The following PGAP6 variants were observed in gnomAD, a reference collection of about 807,000 sequenced individuals.
PGAP6 encodes the protein post-GPI attachment to proteins factor 6.
PGAP6 carries 62 observed loss-of-function variants against 68.4 expected under a neutral mutation model. The ratio of observed to expected loss-of-function variants is 0.91; its 90% CI spans 0.74 to 1.12. The LOEUF (loss-of-function observed/expected upper bound fraction) is 1.12. PGAP6 is among the 50% of genes most tolerant of loss of function. The probability of loss-of-function intolerance (pLI) is 0.00; values close to 1 mark genes in which losing one functional copy is unlikely to be tolerated. For missense variants in PGAP6, 1,188 were observed against 1,068.5 expected (o/e 1.11, Z -1.56); for synonymous variants, 575 against 474.0 (o/e 1.21, Z -2.77).
chr16:377,025 GC>G lies in PGAP6; in HGVS notation c.635+11del. On this transcript the variant is annotated intron_variant, in intron 4 of 12. Transcript: ENST00000431232. ...AGGGCAGAGCCGGGCTGCCCCCCAG[GC>G]CCCCGCTCACTTGAGGTAGCTGGGA... 1.2e-6 allele frequency: 2 copies of G among 1,612,384 alleles called. No homozygotes were observed. Among genetic ancestry groups the G allele is most frequent in the Non-Finnish European group, 8.5e-7 (1 of 1,179,738 alleles).
chr16:385,773 T>C (rs113597497), upstream of PGAP6, among the ~76,000 whole-genome samples: 3,279 of 150,688 alleles, frequency 0.022, 75 homozygotes, highest in African/African-American at 0.06. Flanking sequence ...TACAGGCGCC[T>C]GCCAACACAC....
chr16:382,339 G>T (rs919224935), upstream of PGAP6: 1 of 387,820 alleles, frequency 2.6e-6, no homozygotes, highest in Non-Finnish European at 4.6e-6. Context: ...GAGCCCGCGG[G>T]GGGCAGAGGC....
At chr16:372,494 C>A in intron 12 of PGAP6, 117 bp downstream of exon 12, 2 of 1,004,496 alleles carry the variant, frequency 2.0e-6, no homozygotes, top group South Asian at 1.4e-5. Flanking sequence ...CATGGCAACC[C>A]CCAGCAGATA....
In PGAP6 at chr16:377,790, G is replaced by A; in HGVS notation, c.180C>T (p.Ser60=). ...GGAAGAGCCTGGCACTGCCGTACCAGCTGTAGAAGGACAGCCTCTGCGGGG... is the reference window on the plus strand; with the variant it reads ...GGAAGAGCCTGGCACTGCCGTACCAACTGTAGAAGGACAGCCTCTGCGGGG... ...SQAPQRLSFY[S]WYGSARLFRF... is the part of the protein sequence containing the mutation. The change falls in exon 2 of 13, where the codon AGC becomes AGT. Residue 60 remains serine, a synonymous_variant. Coordinates refer to ENST00000431232, the MANE Select transcript of PGAP6 (RefSeq NM_021259.3). 6.3e-7 allele frequency: 1 copy of A among 1,578,680 alleles called. No individual in the cohort carries two copies. The highest frequency in any genetic ancestry group is 1.8e-5 in the Admixed American group (1 of 54,664).
Position 381,877 on chromosome 16 carries a change from C to T in PGAP6, c.-56G>A, listed in dbSNP as rs1472382887. The stretch of plus-strand genomic sequence containing the variant: ...CCGCGTCCCGCGCCGCCGGCCCCCG[C>T]CGCCGCCCGGGCAGCCTCTGCCGCC... On this transcript the variant is annotated 5_prime_UTR_variant, in exon 1 of 13. Coordinates refer to ENST00000431232, the MANE Select transcript of PGAP6 (RefSeq NM_021259.3). The T allele has an allele frequency of 8.2e-6, 8 of 976,174 alleles. No homozygotes were observed. Among genetic ancestry groups the T allele is most frequent in the Non-Finnish European group, 9.7e-6 (8 of 823,576 alleles). The allele number at this position is 976,174 out of a possible 1,614,324, so 60.5% of individuals were successfully genotyped here. A position where few individuals can be genotyped will look rare whatever the true frequency, so the allele number is the denominator to read the frequency against.
chr16:381,561 TGCACCCCCAACCCGCGGCGG>T (rs1442431668), intron 1 of PGAP6, 120 bp downstream of exon 1: 9 of 573,056 alleles, frequency 1.6e-5, no homozygotes, highest in Non-Finnish European at 2.2e-5. Flanking sequence ...AGGGCCACTG[TGCACCCCCAACCCGCGGCGG>T]GGACCCCCAA....
chr16:376,779 C>T lies in PGAP6; in HGVS notation c.669G>A (p.Leu223=), dbSNP rs749206040. 1.2e-6 allele frequency: 2 copies of T among 1,609,838 alleles called. No individual in the cohort carries two copies. The highest frequency in any genetic ancestry group is 1.7e-6 in the Non-Finnish European group (2 of 1,179,914). Residue 223 remains leucine, a synonymous_variant, in exon 5 of 13, where the codon CTG becomes CTA. Transcript: ENST00000431232. ...TGGACACGCAGTCCCGCAGCTCCAG[C>T]AGAAGCTCCCGCGTGTAATCGGGGA... ...VFVPDYTREL[L]LELRDCVSNG...
Position 377,149 on chromosome 16 carries a change from A to G in PGAP6, c.523T>C (p.Cys175Arg). The G allele has an allele frequency of 6.2e-7, 1 of 1,613,510 alleles. No homozygotes were observed. The change falls in exon 4 of 13, where the codon TGT (cysteine) becomes CGT (arginine). Residue 175 changes from cysteine (C) to arginine (R), a missense_variant. Coordinates refer to ENST00000431232, the MANE Select transcript of PGAP6 (RefSeq NM_021259.3). ...KIELKGLAPT[C>R]AYVFQPELLV... ...AGTTCAGGCTGGAAGACGTAGGCACAGGTGGGAGCCAAGCCCTAGGGAAAG... is the reference window on the plus strand; with the variant it reads ...AGTTCAGGCTGGAAGACGTAGGCACGGGTGGGAGCCAAGCCCTAGGGAAAG...
At chr16:385,568 C>A (rs2054477058), upstream of PGAP6, among the ~76,000 whole-genome samples, 1 of 150,360 alleles carries the variant, frequency 6.7e-6, no homozygotes. Context: ...GCCTCGGCCT[C>A]CCAAAATGCT....
At chr16:374,631 C>T (rs771243876) in intron 9 of PGAP6, 125 bp downstream of exon 9, 34 of 1,355,822 alleles carry the variant, frequency 2.5e-5, no homozygotes, top group Middle Eastern at 2.6e-4. Flanking sequence ...GAGGCTTTGC[C>T]CCTGCATTGC....
chr16:377,940 G>A, intron 1 of PGAP6, 92 bp from the exon 2 acceptor site: 2 of 1,205,772 alleles, frequency 1.7e-6, no homozygotes, highest in Admixed American at 2.5e-5. Flanking sequence ...AGGGCTGGAA[G>A]CCCCCGGGGA....
intron 1 of PGAP6, among the ~76,000 whole-genome samples, chr16:378,892 C>G (rs2054415576): frequency 6.6e-6 from 1 of 152,232 alleles, no homozygotes. Flanking sequence ...GCACCCACGC[C>G]TGGTGCGGGG....
intron 1 of PGAP6, among the ~76,000 whole-genome samples, chr16:378,399 C>T: frequency 3.3e-5 from 4 of 121,720 alleles, no homozygotes; most frequent in African/African-American, 6.8e-5. Flanking sequence ...CTGCCATCGC[C>T]ACCCGCACTG....
At chr16:372,335 C>T (rs1050885998) in intron 12 of PGAP6, 52 bp from the exon 13 acceptor site, 5 of 1,545,690 alleles carry the variant, frequency 3.2e-6, no homozygotes, top group East Asian at 2.3e-5. Flanking sequence ...GCGGCTGCAG[C>T]TCCCAGGGCC....
At position 376,763 on chromosome 16, in the gene PGAP6, A is replaced by G. The variant is rs1597161793; in HGVS notation, c.685T>C (p.Cys229Arg). Residue 229 changes from cysteine (C) to arginine (R), a missense_variant, in exon 5 of 13, where the codon TGC becomes CGC. Cys to Arg is a radical substitution (Grantham distance 180). Coordinates refer to ENST00000431232, the MANE Select transcript of PGAP6 (RefSeq NM_021259.3). ...TRELLLELRD[C>R]VSNGSLGCPV... ...CAGCCCAGGCTCCCATTGGACACGC[A>G]GTCCCGCAGCTCCAGCAGAAGCTCC... 1 of 1,610,918 alleles carries G rather than the reference A, an allele frequency of 6.2e-7. No homozygotes were observed. The highest frequency in any genetic ancestry group is 1.3e-5 in the African/African-American group (1 of 75,014).
upstream of PGAP6, among the ~76,000 whole-genome samples, chr16:385,665 C>G (rs1372693547): frequency 3.4e-5 from 4 of 118,070 alleles, no homozygotes; most frequent in East Asian, 2.6e-4. Context: ...CGCTCTGTCG[C>G]CCAGGCTGGA....
Position 377,024 on chromosome 16 carries a change from G to A in PGAP6, c.635+13C>T. ...GAGGGCAGAGCCGGGCTGCCCCCCA[G>A]GCCCCCGCTCACTTGAGGTAGCTGG... On this transcript the variant is annotated intron_variant, in intron 4 of 12. Coordinates refer to ENST00000431232, the MANE Select transcript of PGAP6 (RefSeq NM_021259.3). 6.2e-7 allele frequency: 1 copy of A among 1,612,404 alleles called. No homozygotes were observed. The highest frequency in any genetic ancestry group is 1.3e-5 in the African/African-American group (1 of 75,050).
Position 378,366 on chromosome 16 carries a change from CCG to C in PGAP6, c.122-520_122-519del, listed in dbSNP as rs1567325853. 2.8e-4 allele frequency among the ~76,000 whole-genome samples: 32 copies of C among 112,662 alleles called. 3 individuals are homozygous for C. Among genetic ancestry groups the C allele is most frequent in the East Asian group, 4.7e-4 (2 of 4,246 alleles). The allele number at this position is 112,662 out of a possible 152,430, so 73.9% of individuals were successfully genotyped here. ...TCGCCACTCTGACTGCCATCCCCAC[CCG>C]CACTGCCATCGCCACCCTGACTGCC... is the stretch of plus-strand genomic sequence containing the variant. On this transcript the variant is annotated intron_variant, in intron 1 of 12. Transcript: ENST00000431232.
chr16:381,399 C>CAG (rs1438701744), intron 1 of PGAP6, among the ~76,000 whole-genome samples: 1 of 152,046 alleles, frequency 6.6e-6, no homozygotes, highest in African/African-American at 2.4e-5. Context: ...CTCCACTTCC[C>CAG]CGCGCCGGGC....
Sources: gnomAD v4.1 joint callset for allele counts (sites outside exome capture counted in the v4.1 genomes callset) on GRCh38, gnomAD v4.1.1 for gene constraint, MANE v1.5 for transcripts, NCBI Gene and HGNC (gene_info 2026-07-23, HGNC 2026-07-21) for gene names.